The following KAZN variants were observed in gnomAD, a reference collection of about 807,000 sequenced individuals.
KAZN encodes kazrin.
Under a neutral mutation model 87.4 loss-of-function variants are expected in KAZN, and 40 were observed. The observed-to-expected ratio is 0.46, with a 90% CI of 0.36 to 0.60. The LOEUF is 0.60. Among genes scored for constraint, KAZN ranks in the 20% least tolerant of loss-of-function variants. KAZN has a pLI of 0.00. For missense variants in KAZN, 898 were observed against 1,073.9 expected (o/e 0.84, Z 2.29); for synonymous variants, 466 against 458.3 (o/e 1.02, Z -0.22).
chr1:14,392,298 C>T (rs939747276), intron 2 of KAZN, among the ~76,000 whole-genome samples: 20 of 152,144 alleles, frequency 1.3e-4, no homozygotes, highest in African/African-American at 4.6e-4. Context: ...ATATATATTA[C>T]AGCATATCTA....
chr1:14,424,128 G>A lies in KAZN; in HGVS notation c.250-174855G>A, dbSNP rs565106774. On this transcript the variant is annotated intron_variant, in intron 2 of 16. Coordinates refer to the KAZN transcript ENST00000636203. ...GAGTCCCAACTCACATAGTAAACTT[G>A]GGCAAGTAGCTTAGCCTCTCAAAGC... Among the ~76,000 whole-genome samples, 6 of 152,192 alleles carry A rather than the reference G, an allele frequency of 3.9e-5. No individual in the cohort carries two copies. The South Asian group carries it at 1.2e-3, about 32-fold the overall frequency.
At chr1:14,401,073 A>C (rs550640133) in intron 2 of KAZN, among the ~76,000 whole-genome samples, 3 of 152,230 alleles carry the variant, frequency 2.0e-5, no homozygotes. Context: ...TGAGGCTGCC[A>C]GGGAGAGAGC....
At chr1:15,038,748 A>G (rs982144779) in intron 3 of KAZN, among the ~76,000 whole-genome samples, 3 of 152,156 alleles carry the variant, frequency 2.0e-5, no homozygotes, top group Admixed American at 1.3e-4. Context: ...CCAATAGCAG[A>G]TGTTTATTGT....
chr1:14,650,114 G>A (rs1462713356), intron 1 of KAZN, among the ~76,000 whole-genome samples: 2 of 143,874 alleles, frequency 1.4e-5, no homozygotes, highest in Non-Finnish European at 3.0e-5. Context: ...TAGTCACACA[G>A]CAAGTAATTG....
chr1:14,471,726 T>A (rs764497099), intron 2 of KAZN, among the ~76,000 whole-genome samples: 2 of 152,198 alleles, frequency 1.3e-5, no homozygotes, highest in African/African-American at 2.4e-5. Flanking sequence ...TTAGTCTGTA[T>A]CTTGGGGTTA....
chr1:15,030,514 G>T (rs116770956), intron 2 of KAZN, among the ~76,000 whole-genome samples: 2 of 152,116 alleles, frequency 1.3e-5, no homozygotes, highest in African/African-American at 4.8e-5. Flanking sequence ...TGCTCCGCTC[G>T]CCTCTCAAAG....
At chr1:14,726,475 T>C (rs1572331428) in intron 1 of KAZN, among the ~76,000 whole-genome samples, 1 of 152,114 alleles carries the variant, frequency 6.6e-6, no homozygotes. Flanking sequence ...TCCAGGTGGG[T>C]CATCCATGCT....
chr1:14,766,902 C>G (rs868763347), intron 1 of KAZN, among the ~76,000 whole-genome samples: 19 of 151,914 alleles, frequency 1.3e-4, no homozygotes, highest in African/African-American at 3.6e-4. Flanking sequence ...CTTTAGCTAT[C>G]GTTCAAGCTA....
At chr1:14,467,666 C>T (rs1176728037) in intron 2 of KAZN, among the ~76,000 whole-genome samples, 1 of 121,748 alleles carries the variant, frequency 8.2e-6, no homozygotes, top group Non-Finnish European at 1.6e-5. Context: ...ATTCATGTAT[C>T]CAAAAGGCAA....
intron 2 of KAZN, among the ~76,000 whole-genome samples, chr1:14,322,167 T>C (rs55932169): frequency 0.089 from 13,514 of 152,204 alleles, 761 homozygotes; most frequent in East Asian, 0.23. Context: ...GACATGTGCC[T>C]GTACTCCCAA....
chr1:14,373,198 A>AATAAATATATATATATATAT (rs1660642239), intron 2 of KAZN, among the ~76,000 whole-genome samples: 1 of 149,166 alleles, frequency 6.7e-6, no homozygotes, highest in African/African-American at 2.5e-5. Flanking sequence ...TGAAAAACTG[A>AATAAATATATATATATATAT]ATATATATAT....
rs1404512213 is a variant in KAZN, at chr1:15,112,984, G to C, written c.2163+443G>C. Reference sequence around the variant, plus strand: ...TGCGACTTCAGTGACCTGACCAATAGCAAAGATGAACCCTCTGGTGACTCC... The same window carrying C: ...TGCGACTTCAGTGACCTGACCAATACCAAAGATGAACCCTCTGGTGACTCC... On this transcript the variant is annotated intron_variant, in intron 14 of 14. Coordinates refer to ENST00000376030, the MANE Select transcript of KAZN (RefSeq NM_201628.3). 1.7e-4 allele frequency: 6 copies of C among 34,966 alleles called. No individual in the cohort carries two copies. The East Asian group carries it at 3.4e-3, about 20-fold the overall frequency. The allele number at this position is 34,966 out of a possible 1,614,324, so 2.2% of individuals were successfully genotyped here. A position where few individuals can be genotyped will look rare whatever the true frequency, so the allele number is the denominator to read the frequency against.
At chr1:14,998,319 C>T (rs10803337) in intron 2 of KAZN, among the ~76,000 whole-genome samples, 33,739 of 152,020 alleles carry the variant, frequency 0.22, 4,575 homozygotes, top group African/African-American at 0.38. Flanking sequence ...CTGTCTGCAT[C>T]AACTCAAATA....
chr1:14,334,855 A>G (rs1657115204), intron 2 of KAZN, among the ~76,000 whole-genome samples: 1 of 152,182 alleles, frequency 6.6e-6, no homozygotes, highest in South Asian at 2.1e-4. Flanking sequence ...ACGCAGAGGC[A>G]GACAGAGACA....
intron 2 of KAZN, among the ~76,000 whole-genome samples, chr1:14,971,675 C>CTT (rs1240501761): frequency 8.2e-6 from 1 of 121,870 alleles, no homozygotes; most frequent in Non-Finnish European, 1.7e-5. Context: ...TTTTTTTTTT[C>CTT]TTTTTCTTTT....
intron 2 of KAZN, among the ~76,000 whole-genome samples, chr1:14,495,763 G>A (rs191347773): frequency 7.2e-4 from 110 of 152,268 alleles, no homozygotes; most frequent in Non-Finnish European, 1.2e-3. Context: ...ACTTGGTTAG[G>A]AAATTTGGGG....
At chr1:14,120,336 T>C (rs2101699815) in intron 1 of KAZN, among the ~76,000 whole-genome samples, 1 of 152,202 alleles carries the variant, frequency 6.6e-6, no homozygotes, top group African/African-American at 2.4e-5. Context: ...TCATTCACTA[T>C]CATGAGAACA....
intron 1 of KAZN, among the ~76,000 whole-genome samples, chr1:14,148,494 G>C (rs1342192974): frequency 6.6e-6 from 1 of 151,994 alleles, no homozygotes; most frequent in Non-Finnish European, 1.5e-5. Flanking sequence ...TTCTCTGACT[G>C]TTCCATTGCT....
At chr1:15,017,142 A>G (rs546573676) in intron 2 of KAZN, among the ~76,000 whole-genome samples, 1 of 151,946 alleles carries the variant, frequency 6.6e-6, no homozygotes, top group East Asian at 2.0e-4. Context: ...TACTGAAAAT[A>G]CAAAAATTAG....
Sources: allele counts gnomAD v4.1 joint callset (sites outside exome capture counted in the v4.1 genomes callset), GRCh38; gene constraint gnomAD v4.1.1; transcripts MANE v1.5; gene names NCBI Gene and HGNC (gene_info 2026-07-23, HGNC 2026-07-21).